PCDHGA4: variants seen among roughly 807,000 people sequenced by gnomAD.
PCDHGA4 encodes protocadherin gamma-A4.
In PCDHGA4, 38 loss-of-function variants were observed where a neutral mutation model predicts 54.6. That is an observed-to-expected ratio of 0.70 (90% CI 0.54 to 0.91). The LOEUF is 0.91. PCDHGA4 is among the 40% of genes least tolerant of loss of function. The pLI, the probability that PCDHGA4 is intolerant of heterozygous loss-of-function variation, is 0.00. For missense variants in PCDHGA4, 1,298 were observed against 1,220.9 expected (o/e 1.06, Z -0.94); for synonymous variants, 511 against 512.9 (o/e 1.00, Z 0.05).
At chr5:141,386,334 G>A (rs1220929803) in intron 1 of PCDHGA4, among the ~76,000 whole-genome samples, 1 of 152,008 alleles carries the variant, frequency 6.6e-6, no homozygotes, top group Non-Finnish European at 1.5e-5. Context: ...ATCCAGAAGG[G>A]GTGGATGACA....
At chr5:141,399,795 G>C in intron 1 of PCDHGA4, 2 of 1,613,204 alleles carry the variant, frequency 1.2e-6, no homozygotes, top group Non-Finnish European at 1.7e-6. Context: ...ACAACGCACC[G>C]CGGGTGCTGT....
rs1381580612 is a variant in PCDHGA4 at position 141,355,089 on chromosome 5, C to G, written c.-19C>G. ...TTTATGAAAGCTTCAAGCGGAAGCC[C>G]TGAGAGCTCTGGCTGTGAATGCACT... On this transcript the variant is annotated 5_prime_UTR_variant, in exon 1 of 4. Transcript: ENST00000571252. 6.8e-7 allele frequency: 1 copy of G among 1,474,082 alleles called. No homozygotes were observed. Among genetic ancestry groups the G allele is most frequent in the East Asian group, 2.3e-5 (1 of 43,072 alleles). 91.3% of individuals were successfully genotyped at this position (1,474,082 alleles called of 1,614,324 possible).
rs544678317 is a variant in PCDHGA4, at chr5:141,430,911, A to C, written c.2515-63896A>C. The C allele has an allele frequency of 1.9e-5, 31 of 1,607,958 alleles. No homozygotes were observed. The Admixed American group carries it at 2.2e-4, about 11-fold the overall frequency. ...TCTAGGGTGGGCGACATCTCCAGGG[A>C]CCTGGGGCTGGAGCCCCGGGAGCTC... On this transcript the variant is annotated intron_variant, in intron 1 of 3. Transcript: ENST00000571252.
chr5:141,402,854 C>A, intron 1 of PCDHGA4: 2 of 1,423,530 alleles, frequency 1.4e-6, no homozygotes, highest in Non-Finnish European at 1.8e-6. Flanking sequence ...CCTCTTTCTT[C>A]TAAGGAAAAG....
rs759191157 is a variant in PCDHGA4, at chr5:141,485,768, C to T, written c.2515-9039C>T. Reference sequence around the variant, plus strand: ...GGTCCCAGAGCTGCTCCTGGAGAAGCCTTTGGATCGAGAGAAGCAATCGGA... The same window carrying T: ...GGTCCCAGAGCTGCTCCTGGAGAAGTCTTTGGATCGAGAGAAGCAATCGGA... On this transcript the variant is annotated intron_variant, in intron 1 of 3. Transcript: ENST00000571252. This position sits in a 1 kb window ranked among gnomAD's most constrained non-coding sequence, Gnocchi z 5.7. The T allele has an allele frequency of 5.6e-6, 9 of 1,614,074 alleles. No individual in the cohort carries two copies. The highest frequency in any genetic ancestry group is 1.7e-5 in the Admixed American group (1 of 60,000).
At chr5:141,365,103 G>T (rs1178900186) in intron 1 of PCDHGA4, 3 of 1,613,722 alleles carry the variant, frequency 1.9e-6, no homozygotes, top group Non-Finnish European at 1.7e-6. Flanking sequence ...ATACCTGTGG[G>T]CACTCGGCTG....
intron 1 of PCDHGA4, chr5:141,384,446 C>A (rs781605513): frequency 6.2e-7 from 1 of 1,613,916 alleles, no homozygotes; most frequent in African/African-American, 1.3e-5. Flanking sequence ...GTCCTGTACG[C>A]GCTGCAATCC....
intron 1 of PCDHGA4, chr5:141,478,803 T>G: frequency 2.1e-6 from 3 of 1,463,244 alleles, no homozygotes; most frequent in Non-Finnish European, 2.7e-6. Context: ...AGCACTCTTT[T>G]GCTATCACAA....
intron 1 of PCDHGA4, chr5:141,376,614 T>C: frequency 6.9e-7 from 1 of 1,446,670 alleles, no homozygotes; most frequent in African/African-American, 1.4e-5. Flanking sequence ...CGAACCTCTT[T>C]TGGTACAGGA....
intron 1 of PCDHGA4, among the ~76,000 whole-genome samples, chr5:141,492,118 TC>T (rs1338861093): frequency 6.6e-6 from 1 of 152,176 alleles, no homozygotes; most frequent in Non-Finnish European, 1.5e-5. Flanking sequence ...CTTCGATTTC[TC>T]CCCAGCTCCC....
At chr5:141,389,582 T>C (rs1266016569) in intron 1 of PCDHGA4, 2 of 1,613,146 alleles carry the variant, frequency 1.2e-6, no homozygotes, top group Non-Finnish European at 1.7e-6. Context: ...CCGCGCTGGG[T>C]CCCGACGGCT....
At position 141,491,187 on chromosome 5, in the gene PCDHGA4, G is replaced by A. The variant is rs2099709293; in HGVS notation, c.2515-3620G>A. ...CCCAGCAGGTGGTGGTCCTGGTGAG[G>A]GACAATGGTGACCCTTCACTCTCCT... On this transcript the variant is annotated intron_variant, in intron 1 of 3. Coordinates refer to ENST00000571252, the MANE Select transcript of PCDHGA4 (RefSeq NM_018917.4). The surrounding 1 kb of genome is among the most constrained non-coding windows in gnomAD (Gnocchi z 6.9). The A allele has an allele frequency of 6.2e-7, 1 of 1,614,064 alleles. No homozygotes were observed. The highest frequency in any genetic ancestry group is 1.1e-5 in the South Asian group (1 of 91,080).
chr5:141,390,386 A>C, intron 1 of PCDHGA4: 2 of 1,432,848 alleles, frequency 1.4e-6, no homozygotes, highest in Non-Finnish European at 1.9e-6. Context: ...TTTAGATGTC[A>C]TGGATCATTT....
chr5:141,404,314 A>G (rs772060934), intron 1 of PCDHGA4: 1 of 1,613,922 alleles, frequency 6.2e-7, no homozygotes, highest in East Asian at 2.2e-5. Context: ...CTTTCTCTCA[A>G]GCCTCCTACT....
intron 1 of PCDHGA4, among the ~76,000 whole-genome samples, chr5:141,475,299 T>C (rs1227132122): frequency 6.6e-6 from 1 of 152,204 alleles, no homozygotes; most frequent in Non-Finnish European, 1.5e-5. Context: ...AAATTTCTTA[T>C]TGCTCCCTGG....
intron 1 of PCDHGA4, chr5:141,390,623 T>C (rs2092193421): frequency 3.8e-6 from 1 of 264,274 alleles, no homozygotes; most frequent in African/African-American, 2.3e-5. Flanking sequence ...TGTTGACTAA[T>C]ATATGATGAA....
At chr5:141,414,048 G>A in intron 1 of PCDHGA4, 1 of 1,610,508 alleles carries the variant, frequency 6.2e-7, no homozygotes, top group Non-Finnish European at 8.5e-7. Flanking sequence ...TACCTGACAC[G>A]CAATTGTTGA....
intron 1 of PCDHGA4, chr5:141,403,373 A>C: frequency 6.2e-7 from 1 of 1,614,074 alleles, no homozygotes; most frequent in Non-Finnish European, 8.5e-7. Flanking sequence ...TCTGGAAGTA[A>C]AAATTAACGA....
chr5:141,395,546 G>GTT (rs2093266838), intron 1 of PCDHGA4: 4 of 32,300 alleles, frequency 1.2e-4, no homozygotes, highest in African/African-American at 9.9e-4. Context: ...TATTGTTTGT[G>GTT]TGTGTGTGTG....
Sources: allele counts gnomAD v4.1 joint callset (sites outside exome capture counted in the v4.1 genomes callset), GRCh38; gene constraint gnomAD v4.1.1; non-coding constraint Gnocchi (gnomAD v3.1); transcripts MANE v1.5; gene names NCBI Gene and HGNC (gene_info 2026-07-23, HGNC 2026-07-21).